Variants in NSG1 observed in about 807,000 individuals in gnomAD.
The protein encoded by NSG1 is neuronal vesicle trafficking-associated protein 1.
A neutral mutation model predicts 19.3 loss-of-function variants in NSG1; 9 were observed. The ratio of observed to expected loss-of-function variants is 0.47; its 90% confidence interval spans 0.28 to 0.81. The LOEUF is 0.81. Ranked by LOEUF, NSG1 falls within the 40% of genes least tolerant of loss-of-function variation. NSG1 has a pLI of 0.11. For synonymous variants in NSG1, 104 were observed against 107.0 expected, an observed-to-expected ratio of 0.97 and a Z score of 0.17; for missense variants, 236 against 242.4, an observed-to-expected ratio of 0.97 and a Z score of 0.18.
intron 2 of NSG1, among the ~76,000 whole-genome samples, chr4:4,388,071 C>T (rs1396946856): frequency 6.6e-6 from 1 of 152,238 alleles, no homozygotes; most frequent in African/African-American, 2.4e-5. Context: ...CCCTGCTCCT[C>T]CCTTGCCCCG....
chr4:4,393,576 T>C (rs775269743), intron 3 of NSG1, among the ~76,000 whole-genome samples: 2 of 152,242 alleles, frequency 1.3e-5, no homozygotes, highest in Non-Finnish European at 2.9e-5. Context: ...GAAGGCGATG[T>C]ATGCAGTAGG....
intron 4 of NSG1, among the ~76,000 whole-genome samples, chr4:4,411,880 T>C (rs184363734): frequency 6.3e-4 from 96 of 151,836 alleles, no homozygotes; most frequent in African/African-American, 1.9e-3. Flanking sequence ...AGGCATGCAC[T>C]CTAAAATACT....
At chr4:4,399,459 G>C (rs1289564260) in intron 3 of NSG1, among the ~76,000 whole-genome samples, 2 of 151,452 alleles carry the variant, frequency 1.3e-5, no homozygotes, top group East Asian at 3.9e-4. Context: ...TTGTTGTTGA[G>C]TTGTAAGAGT....
At chr4:4,391,436 G>T in intron 2 of NSG1, 39 bp from the exon 3 acceptor site, 1 of 1,408,372 alleles carries the variant, frequency 7.1e-7, no homozygotes, top group Non-Finnish European at 9.9e-7. Context: ...AGATATGTCT[G>T]AATGCATCTG....
chr4:4,415,996 G>A (rs573042030), intron 4 of NSG1: 8 of 668,328 alleles, frequency 1.2e-5, no homozygotes, highest in South Asian at 4.9e-5. Flanking sequence ...AGATCAAGAC[G>A]CTGTTGATAA....
chr4:4,411,156 A>C (rs1724158585), intron 4 of NSG1, among the ~76,000 whole-genome samples: 2 of 152,320 alleles, frequency 1.3e-5, no homozygotes. Context: ...ACACTCAGCC[A>C]ATAAACTTTT....
At position 4,417,889 on chromosome 4, in the gene NSG1, G is replaced by A. The variant is rs181462489; in HGVS notation, c.*454G>A. 2.4e-5 allele frequency: 6 copies of A among 247,336 alleles called. No homozygotes were observed. Among genetic ancestry groups the A allele is most frequent in the Non-Finnish European group, 4.7e-5 (6 of 127,244 alleles). 15.3% of individuals were successfully genotyped at this position (247,336 alleles called of 1,614,324 possible). On this transcript the variant is annotated 3_prime_UTR_variant, in exon 5 of 5. Coordinates refer to ENST00000621129, the MANE Select transcript of NSG1 (RefSeq NM_014392.5). ...CGCATTTCTTCCTCGGCCATCAGCG[G>A]GTAACAGTGCTGACTGCTGCCAAGG... is the stretch of plus-strand genomic sequence containing the variant.
intron 1 of NSG1, 115 bp from the exon 2 acceptor site, chr4:4,387,489 A>G: frequency 1.5e-6 from 1 of 670,194 alleles, no homozygotes; most frequent in South Asian, 1.9e-5. Flanking sequence ...CCCGAGACGA[A>G]GCGGGGCCGG....
intron 3 of NSG1, among the ~76,000 whole-genome samples, chr4:4,396,377 G>GT (rs1348695887): frequency 6.6e-6 from 1 of 152,184 alleles, no homozygotes; most frequent in Non-Finnish European, 1.5e-5. Context: ...CGCTGGAGAG[G>GT]TCTCCACACC....
chr4:4,401,537 T>C (rs1345020755), intron 3 of NSG1, among the ~76,000 whole-genome samples: 2 of 152,152 alleles, frequency 1.3e-5, no homozygotes, highest in African/African-American at 2.4e-5. Context: ...TCCTCCTCCT[T>C]TGGGACATGG....
At chr4:4,399,428 C>G (rs1023983574) in intron 3 of NSG1, among the ~76,000 whole-genome samples, 3 of 146,466 alleles carry the variant, frequency 2.0e-5, no homozygotes, top group Non-Finnish European at 4.6e-5. Flanking sequence ...CAGGTGTGAG[C>G]CACCTCACCC....
intron 3 of NSG1, among the ~76,000 whole-genome samples, chr4:4,405,725 C>T (rs539392341): frequency 1.3e-5 from 2 of 152,290 alleles, no homozygotes; most frequent in African/African-American, 2.4e-5. Flanking sequence ...TGCCACACCA[C>T]GGGCCGCCCG....
At chr4:4,398,447 C>A (rs1410489258) in intron 3 of NSG1, among the ~76,000 whole-genome samples, 1 of 151,730 alleles carries the variant, frequency 6.6e-6, no homozygotes, top group African/African-American at 2.4e-5. Context: ...ACTCCCATGC[C>A]CCCCCCCACA....
intron 3 of NSG1, among the ~76,000 whole-genome samples, chr4:4,408,564 G>C (rs144344167): frequency 6.6e-6 from 1 of 152,192 alleles, no homozygotes. Flanking sequence ...GGGTTCAAGC[G>C]ATTCTCCTGC....
chr4:4,387,426 G>A (rs929102281), intron 1 of NSG1, among the ~76,000 whole-genome samples, 178 bp from the exon 2 acceptor site: 1 of 152,094 alleles, frequency 6.6e-6, no homozygotes, highest in Non-Finnish European at 1.5e-5. Context: ...GAAATACACA[G>A]CACCACCCGA....
rs181500036 is a variant in NSG1 at position 4,398,292 on chromosome 4, T to C, written c.246+6701T>C. Among the ~76,000 whole-genome samples the C allele has an allele frequency of 1.3e-3, 204 of 152,286 alleles. 4 individuals carry two copies. Among genetic ancestry groups the C allele is most frequent in the Non-Finnish European group, 3.4e-4 (23 of 68,030 alleles). On this transcript the variant is annotated intron_variant, in intron 3 of 4. Coordinates refer to ENST00000621129, the MANE Select transcript of NSG1 (RefSeq NM_014392.5). The stretch of plus-strand genomic sequence containing the variant: ...AATAATTGTGGTAAAATATGCAAAA[T>C]ATAAAACTTACCGCTTTAAGGTAAG...
intron 3 of NSG1, among the ~76,000 whole-genome samples, chr4:4,392,934 T>G (rs1316457123): frequency 6.6e-6 from 1 of 151,980 alleles, no homozygotes; most frequent in Non-Finnish European, 1.5e-5. Flanking sequence ...CATCGTACGT[T>G]TTTGAGGTTC....
At chr4:4,415,951 C>A (rs937550830) in intron 4 of NSG1, 2 of 620,158 alleles carry the variant, frequency 3.2e-6, no homozygotes, top group Non-Finnish European at 5.8e-6. Context: ...TGTTCTGTAG[C>A]GTGTCAGGTG....
At chr4:4,395,055 T>C (rs575627657) in intron 3 of NSG1, among the ~76,000 whole-genome samples, 1 of 152,354 alleles carries the variant, frequency 6.6e-6, no homozygotes, top group African/African-American at 2.4e-5. Flanking sequence ...CCAGGAAGCC[T>C]GCAGGCTGGA....
Sources: gnomAD v4.1 joint callset for allele counts (sites outside exome capture counted in the v4.1 genomes callset) on GRCh38, gnomAD v4.1.1 for gene constraint, MANE v1.5 for transcripts, NCBI Gene and HGNC (gene_info 2026-07-23, HGNC 2026-07-21) for gene names.